Variants in DTWD2 observed in about 807,000 individuals in gnomAD.
The protein encoded by DTWD2 is DTW motif tRNA-uridine aminocarboxypropyltransferase 2, also known as tRNA-uridine aminocarboxypropyltransferase 2.
Under a neutral mutation model 31.8 loss-of-function variants are expected in DTWD2, and 39 were observed. The ratio of observed to expected loss-of-function variants is 1.22; its 90% CI spans 0.95 to 1.60. The LOEUF (loss-of-function observed/expected upper bound fraction) is 1.60, where lower values mean the gene tolerates loss of function less well. DTWD2 is among the 40% of genes most tolerant of loss of function. The pLI is 0.00. For synonymous variants in DTWD2, 180 were observed against 142.8 expected, an observed-to-expected ratio of 1.26 and a Z score of -1.86; for missense variants, 515 against 381.5, an observed-to-expected ratio of 1.35 and a Z score of -2.92.
At chr5:118,889,740 G>C (rs1401533495) in intron 4 of DTWD2, among the ~76,000 whole-genome samples, 1 of 152,046 alleles carries the variant, frequency 6.6e-6, no homozygotes, top group Non-Finnish European at 1.5e-5. Context: ...AAAAACGATA[G>C]TTTTTTCAAC....
At chr5:118,892,990 G>T (rs1181597279) in intron 4 of DTWD2, among the ~76,000 whole-genome samples, 1 of 151,784 alleles carries the variant, frequency 6.6e-6, no homozygotes, top group Non-Finnish European at 1.5e-5. Context: ...ACAGATATGG[G>T]AGTGGTTACT....
chr5:118,897,254 T>C (rs1485003161), intron 4 of DTWD2, among the ~76,000 whole-genome samples: 1 of 152,154 alleles, frequency 6.6e-6, no homozygotes, highest in East Asian at 1.9e-4. Context: ...CCCAGTGAAA[T>C]CACATAAGAT....
chr5:118,985,490 T>TTATATATATATATATATATATA lies in DTWD2; in HGVS notation c.218+2782_218+2803dup, dbSNP rs56393420. Among the ~76,000 whole-genome samples, 355 of 95,242 alleles carry TTATATATATATATATATATATA rather than the reference T, an allele frequency of 3.7e-3. 6 individuals carry two copies. Among genetic ancestry groups the TTATATATATATATATATATATA allele is most frequent in the Middle Eastern group, 5.7e-3 (1 of 174 alleles). 62.5% of individuals were successfully genotyped at this position (95,242 alleles called of 152,430 possible). ...AAAGACCACATGCTTATGTGCATTT[T>TTATATATATATATATATATATA]TATATATATATATATATATATATAT... On this transcript the variant is annotated intron_variant, in intron 1 of 5. Coordinates refer to ENST00000510708, the MANE Select transcript of DTWD2 (RefSeq NM_173666.4).
At chr5:118,846,770 T>A (rs1166017503) in intron 5 of DTWD2, among the ~76,000 whole-genome samples, 1 of 151,756 alleles carries the variant, frequency 6.6e-6, no homozygotes, top group Non-Finnish European at 1.5e-5. Context: ...GACATGGGAG[T>A]AGGTGACATG....
chr5:118,873,590 T>G (rs1220609412), intron 4 of DTWD2, among the ~76,000 whole-genome samples: 1 of 152,150 alleles, frequency 6.6e-6, no homozygotes, highest in Non-Finnish European at 1.5e-5. Context: ...GAGTTTTGCT[T>G]TACTTGCACC....
intron 4 of DTWD2, among the ~76,000 whole-genome samples, chr5:118,857,310 A>G (rs1331114364): frequency 6.6e-6 from 1 of 152,192 alleles, no homozygotes; most frequent in Non-Finnish European, 1.5e-5. Flanking sequence ...GTATACATAC[A>G]TAATATAGCG....
chr5:118,978,130 ACTTTTTTT>A (rs1755208876), intron 1 of DTWD2, among the ~76,000 whole-genome samples: 1 of 150,312 alleles, frequency 6.7e-6, no homozygotes, highest in Non-Finnish European at 1.5e-5. Context: ...TTTTTTTTTA[ACTTTTTTT>A]TACGTGGTGC....
chr5:118,931,491 A>C (rs1315410661), intron 3 of DTWD2, among the ~76,000 whole-genome samples: 2 of 152,272 alleles, frequency 1.3e-5, no homozygotes, highest in Admixed American at 6.5e-5. Flanking sequence ...ATGAGGATGA[A>C]GAAAGGCATT....
chr5:118,859,273 A>G lies in DTWD2; in HGVS notation c.598-11055T>C, dbSNP rs181536436. Among the ~76,000 whole-genome samples the G allele has an allele frequency of 1.4e-3, 214 of 152,212 alleles. 2 individuals carry two copies. The highest frequency in any genetic ancestry group is 2.3e-3 in the Non-Finnish European group (158 of 68,002). On this transcript the variant is annotated intron_variant, in intron 4 of 5. Coordinates refer to ENST00000510708, the MANE Select transcript of DTWD2 (RefSeq NM_173666.4). ...ATACAGTTTCTGTAGAAAAGGCAGG[A>G]TAAATAAAGAGAAAGAATCACATAT...
intron 4 of DTWD2, among the ~76,000 whole-genome samples, 160 bp from the exon 5 acceptor site, chr5:118,848,378 G>C (rs969438773): frequency 6.6e-6 from 1 of 152,090 alleles, no homozygotes; most frequent in Non-Finnish European, 1.5e-5. Flanking sequence ...TGTTGCAATT[G>C]TTAAATAGTA....
At chr5:118,915,817 G>T (rs188244428) in intron 4 of DTWD2, among the ~76,000 whole-genome samples, 10 of 152,254 alleles carry the variant, frequency 6.6e-5, no homozygotes, top group Non-Finnish European at 1.5e-4. Flanking sequence ...GGTATTTCAG[G>T]ATCTAGTCCT....
At position 118,894,598 on chromosome 5, in the gene DTWD2, T is replaced by A. The variant is rs1340816734; in HGVS notation, c.597+33939A>T. On this transcript the variant is annotated intron_variant, in intron 4 of 5. Transcript: ENST00000510708. ...AAAAATGAAATCAAGGTATCCCTGATGAACACAAATGTAAAAAGTCTCAAC... is the reference window on the plus strand; with the variant it reads ...AAAAATGAAATCAAGGTATCCCTGAAGAACACAAATGTAAAAAGTCTCAAC... Among the ~76,000 whole-genome samples the A allele has an allele frequency of 2.0e-5, 3 of 152,124 alleles. No homozygotes were observed. The East Asian group carries it at 5.8e-4, about 29-fold the overall frequency.
chr5:118,981,419 T>A (rs1755297798), intron 1 of DTWD2, among the ~76,000 whole-genome samples: 1 of 152,134 alleles, frequency 6.6e-6, no homozygotes, highest in Non-Finnish European at 1.5e-5. Flanking sequence ...CATAAACAGA[T>A]CAGAGACATT....
At chr5:118,951,591 G>A (rs1310142650) in intron 1 of DTWD2, among the ~76,000 whole-genome samples, 1 of 152,176 alleles carries the variant, frequency 6.6e-6, no homozygotes, top group Non-Finnish European at 1.5e-5. Context: ...AGTTTGTATT[G>A]GGGTCAAGCG....
At chr5:118,899,376 C>T (rs1753153166) in intron 4 of DTWD2, among the ~76,000 whole-genome samples, 1 of 152,182 alleles carries the variant, frequency 6.6e-6, no homozygotes, top group Non-Finnish European at 1.5e-5. Context: ...TGTTGTACTG[C>T]TTGGTTAACT....
intron 1 of DTWD2, among the ~76,000 whole-genome samples, chr5:118,986,591 T>C (rs1755432765): frequency 6.6e-6 from 1 of 152,144 alleles, no homozygotes; most frequent in African/African-American, 2.4e-5. Flanking sequence ...ATTTTAACCA[T>C]AAATGTAAAG....
intron 4 of DTWD2, among the ~76,000 whole-genome samples, chr5:118,875,228 C>T (rs112100155): frequency 6.2e-4 from 95 of 152,142 alleles, no homozygotes; most frequent in African/African-American, 2.2e-3. Flanking sequence ...AAGGAAAGAC[C>T]ACTACAGCCA....
Position 118,970,412 on chromosome 5 carries a change from C to T in DTWD2, c.218+17882G>A, listed in dbSNP as rs530184512. 1.8e-4 allele frequency among the ~76,000 whole-genome samples: 28 copies of T among 151,894 alleles called. 1 individual carries two copies. In the East Asian group the frequency reaches 2.7e-3, roughly 15 times the overall value. Reference sequence around the variant, plus strand: ...ACGGCACTCCAGCCTGCTAATAAAGCGAGACTCTGTCTCAGAAAAAGAAAA... The same window carrying T: ...ACGGCACTCCAGCCTGCTAATAAAGTGAGACTCTGTCTCAGAAAAAGAAAA... On this transcript the variant is annotated intron_variant, in intron 1 of 5. Coordinates refer to ENST00000510708, the MANE Select transcript of DTWD2 (RefSeq NM_173666.4).
At chr5:118,874,868 G>C (rs1303175728) in intron 4 of DTWD2, among the ~76,000 whole-genome samples, 1 of 151,956 alleles carries the variant, frequency 6.6e-6, no homozygotes, top group Non-Finnish European at 1.5e-5. Context: ...GAGAGCCCCA[G>C]TAAGATACTC....
Sources: gnomAD v4.1 joint callset for allele counts (sites outside exome capture counted in the v4.1 genomes callset) on GRCh38, gnomAD v4.1.1 for gene constraint, MANE v1.5 for transcripts, NCBI Gene and HGNC (gene_info 2026-07-23, HGNC 2026-07-21) for gene names.